ZDHHC14: variants seen among roughly 807,000 people sequenced by gnomAD.
The protein encoded by ZDHHC14 is palmitoyltransferase ZDHHC14.
Under a neutral mutation model 47.7 loss-of-function variants are expected in ZDHHC14, and 16 were observed. That is an observed-to-expected ratio of 0.34 (90% CI 0.23 to 0.51). The LOEUF (loss-of-function observed/expected upper bound fraction) is 0.51. Among genes scored for constraint, ZDHHC14 ranks in the 20% least tolerant of loss-of-function variants. The probability of loss-of-function intolerance (pLI) is 0.97; values close to 1 mark genes in which losing one functional copy is unlikely to be tolerated. For missense variants in ZDHHC14, 515 were observed against 662.5 expected, an observed-to-expected ratio of 0.78 and a Z score of 2.44; for synonymous variants, 293 against 278.9, an observed-to-expected ratio of 1.05 and a Z score of -0.50.
chr6:157,516,290 G>T (rs749764759), intron 1 of ZDHHC14, among the ~76,000 whole-genome samples: 2 of 152,164 alleles, frequency 1.3e-5, no homozygotes, highest in African/African-American at 2.4e-5. Context: ...GTGTAATAGC[G>T]ATGCTGTGAA....
chr6:157,656,195 C>T (rs1224603396), intron 8 of ZDHHC14, among the ~76,000 whole-genome samples: 3 of 152,162 alleles, frequency 2.0e-5, no homozygotes, highest in Non-Finnish European at 4.4e-5. Flanking sequence ...AGTCACCTTC[C>T]AAATAACTAG....
At chr6:157,643,328 C>G (rs1777346471) in intron 5 of ZDHHC14, among the ~76,000 whole-genome samples, 1 of 152,148 alleles carries the variant, frequency 6.6e-6, no homozygotes, top group South Asian at 2.1e-4. Context: ...GAACTGCATT[C>G]TGCAATTTAC....
intron 2 of ZDHHC14, among the ~76,000 whole-genome samples, chr6:157,560,595 T>A (rs1338006708): frequency 2.0e-5 from 3 of 152,228 alleles, no homozygotes; most frequent in Non-Finnish European, 4.4e-5. Context: ...AATTTTAGTT[T>A]TTTTCTCTGT....
chr6:157,389,338 A>G (rs1415284443), intron 1 of ZDHHC14, among the ~76,000 whole-genome samples: 1 of 152,228 alleles, frequency 6.6e-6, no homozygotes, highest in Non-Finnish European at 1.5e-5. Flanking sequence ...ATTGAAGAGT[A>G]AGTTGCAGAT....
In ZDHHC14 at chr6:157,549,221, C is replaced by T. The variant is rs921546199; in HGVS notation, c.406+6476C>T. ...TCCCATGGACCACATCCTCTCTCCCCGGTACAGCCTCGAGCTTCGAAACAG... is the reference window on the plus strand; with the variant it reads ...TCCCATGGACCACATCCTCTCTCCCTGGTACAGCCTCGAGCTTCGAAACAG... On this transcript the variant is annotated intron_variant, in intron 2 of 8. Coordinates refer to ENST00000359775, the MANE Select transcript of ZDHHC14 (RefSeq NM_024630.3). Among the ~76,000 whole-genome samples, 8 of 152,226 alleles carry T rather than the reference C, an allele frequency of 5.3e-5. No individual in the cohort carries two copies. In the East Asian group the frequency reaches 5.8e-4, roughly 11 times the overall value.
chr6:157,565,744 G>A lies in ZDHHC14; in HGVS notation c.406+22999G>A, dbSNP rs551553686. Among the ~76,000 whole-genome samples, 3 of 151,748 alleles carry A rather than the reference G, an allele frequency of 2.0e-5. No individual in the cohort carries two copies. In the South Asian group the frequency reaches 6.3e-4, roughly 32 times the overall value. On this transcript the variant is annotated intron_variant, in intron 2 of 8. Transcript: ENST00000359775. ...CTGGTTTGAACCCAGTGCAGGAGGC[G>A]GAGGTTGCAGTGAGCTGAGATTGCA...
intron 1 of ZDHHC14, among the ~76,000 whole-genome samples, chr6:157,528,321 G>A (rs1388667382): frequency 6.6e-6 from 1 of 152,144 alleles, no homozygotes; most frequent in African/African-American, 2.4e-5. Flanking sequence ...TCAGAAGTGT[G>A]TGGCTTAAAA....
At chr6:157,573,251 G>T (rs541867331) in intron 2 of ZDHHC14, among the ~76,000 whole-genome samples, 1 of 152,106 alleles carries the variant, frequency 6.6e-6, no homozygotes, top group African/African-American at 2.4e-5. Flanking sequence ...AAGTCAGAGC[G>T]CGGTCAGGGC....
chr6:157,544,723 T>G (rs1781906130), intron 2 of ZDHHC14, among the ~76,000 whole-genome samples: 1 of 152,206 alleles, frequency 6.6e-6, no homozygotes, highest in African/African-American at 2.4e-5. Flanking sequence ...AGGATGGCAC[T>G]AATCAAAAAG....
At chr6:157,495,956 C>T (rs1185993581) in intron 1 of ZDHHC14, among the ~76,000 whole-genome samples, 2 of 152,010 alleles carry the variant, frequency 1.3e-5, no homozygotes, top group Admixed American at 6.6e-5. Flanking sequence ...CCGGCTGCCT[C>T]GGCCTTCCAA....
intron 1 of ZDHHC14, among the ~76,000 whole-genome samples, chr6:157,388,934 A>G (rs1177257070): frequency 6.6e-6 from 1 of 152,184 alleles, no homozygotes; most frequent in East Asian, 1.9e-4. Context: ...GGTAATTATC[A>G]GCACCTTGCT....
chr6:157,657,649 CTG>C lies in ZDHHC14; in HGVS notation c.1068+4024_1068+4025del, dbSNP rs559981369. ...TACCGCCTCCATACCAGAGACAAAACTGTAAGAAATCTCAACATCCTGGGAGT... is the reference window on the plus strand; with the variant it reads ...TACCGCCTCCATACCAGAGACAAAACTAAGAAATCTCAACATCCTGGGAGT... On this transcript the variant is annotated intron_variant, in intron 8 of 8. Transcript: ENST00000359775. Among the ~76,000 whole-genome samples the C allele has an allele frequency of 3.3e-5, 5 of 152,328 alleles. No individual in the cohort carries two copies. The East Asian group carries it at 9.6e-4, about 29-fold the overall frequency.
chr6:157,605,398 C>T (rs1350235361), intron 3 of ZDHHC14, among the ~76,000 whole-genome samples: 3 of 152,002 alleles, frequency 2.0e-5, no homozygotes, highest in African/African-American at 7.3e-5. Flanking sequence ...TACTTAGAAA[C>T]TATTTGTACT....
At chr6:157,617,167 A>T (rs187571523) in intron 3 of ZDHHC14, among the ~76,000 whole-genome samples, 3 of 152,196 alleles carry the variant, frequency 2.0e-5, no homozygotes, top group African/African-American at 4.8e-5. Flanking sequence ...TGCAGTATGT[A>T]TATCTTTTTA....
chr6:157,547,874 G>A (rs1163670499), intron 2 of ZDHHC14, among the ~76,000 whole-genome samples: 2 of 149,810 alleles, frequency 1.3e-5, no homozygotes, highest in Non-Finnish European at 3.0e-5. Flanking sequence ...CAATTTTGGG[G>A]GTCTTTTTGT....
chr6:157,501,492 G>A (rs531716887), intron 1 of ZDHHC14, among the ~76,000 whole-genome samples: 89 of 152,324 alleles, frequency 5.8e-4, no homozygotes, highest in Non-Finnish European at 1.0e-3. Flanking sequence ...TTTACGGCCT[G>A]TGATTAGATA....
chr6:157,519,651 G>A (rs1321486546), intron 1 of ZDHHC14, among the ~76,000 whole-genome samples: 4 of 152,184 alleles, frequency 2.6e-5, no homozygotes, highest in East Asian at 1.9e-4. Flanking sequence ...CCTTGGAGCC[G>A]GGGTCTTAGC....
intron 2 of ZDHHC14, among the ~76,000 whole-genome samples, chr6:157,549,359 G>A (rs1454575108): frequency 6.6e-6 from 1 of 152,172 alleles, no homozygotes; most frequent in East Asian, 1.9e-4. Context: ...CTCCCCTCTT[G>A]GAGCTTCTTG....
At chr6:157,485,649 A>T (rs1182205470) in intron 1 of ZDHHC14, among the ~76,000 whole-genome samples, 4 of 151,916 alleles carry the variant, frequency 2.6e-5, no homozygotes, top group Admixed American at 2.6e-4. Context: ...TATATAATTT[A>T]AAACCTACCC....
Sources: gnomAD v4.1 joint callset for allele counts (sites outside exome capture counted in the v4.1 genomes callset) on GRCh38, gnomAD v4.1.1 for gene constraint, MANE v1.5 for transcripts, NCBI Gene and HGNC (gene_info 2026-07-23, HGNC 2026-07-21) for gene names.